The following PARVG variants were observed in gnomAD, a reference collection of about 807,000 sequenced individuals.
PARVG encodes the protein gamma-parvin.
Under a neutral mutation model 44.4 loss-of-function variants are expected in PARVG, and 36 were observed. That is an observed-to-expected ratio of 0.81 (90% CI 0.62 to 1.07). The LOEUF (loss-of-function observed/expected upper bound fraction) is 1.07. PARVG is among the 50% of genes least tolerant of loss of function. PARVG has a pLI of 0.00. For missense variants in PARVG, 407 were observed against 407.4 expected (o/e 1.00, Z 0.01); for synonymous variants, 170 against 174.1 (o/e 0.98, Z 0.19).
chr22:44,174,793 T>G (rs1168249164), intron 1 of PARVG, among the ~76,000 whole-genome samples: 1 of 152,068 alleles, frequency 6.6e-6, no homozygotes, highest in Non-Finnish European at 1.5e-5. Context: ...GCTCTTAGCC[T>G]GACCTGATTC....
At chr22:44,181,394 G>T in intron 1 of PARVG, 5 of 985,478 alleles carry the variant, frequency 5.1e-6, no homozygotes, top group Non-Finnish European at 6.0e-6. Context: ...GCGTGGTCCC[G>T]GGAGAGGAAG....
At position 44,198,731 on chromosome 22, in the gene PARVG, T is replaced by C; in HGVS notation, c.813+9T>C. 6.3e-7 allele frequency: 1 copy of C among 1,592,662 alleles called. No individual in the cohort carries two copies. Among genetic ancestry groups the C allele is most frequent in the South Asian group, 1.1e-5 (1 of 90,704 alleles). ...ACTCTCCTGCAGAAATGGTAAGTTT[T>C]CCAAGGATTTTTCTTTATGGTCTAC... On this transcript the variant is annotated intron_variant, in intron 12 of 13. Coordinates refer to ENST00000444313, the MANE Select transcript of PARVG (RefSeq NM_022141.7).
At chr22:44,188,544 C>T (rs775242060) in intron 5 of PARVG, 5 of 163,046 alleles carry the variant, frequency 3.1e-5, no homozygotes, top group Non-Finnish European at 6.8e-5. Context: ...TGGAGATGGG[C>T]TGCACAATCC....
chr22:44,197,968 T>G (rs1170636394), intron 11 of PARVG, among the ~76,000 whole-genome samples: 3 of 152,332 alleles, frequency 2.0e-5, no homozygotes, highest in Middle Eastern at 3.4e-3. Flanking sequence ...ATTTAGAGAC[T>G]GTTCAATAAA....
intron 9 of PARVG, 135 bp downstream of exon 9, chr22:44,193,958 C>A: frequency 8.6e-7 from 1 of 1,160,232 alleles, no homozygotes; most frequent in Non-Finnish European, 1.2e-6. Flanking sequence ...AAGCCTCATT[C>A]TTATTCATTT....
intron 1 of PARVG, among the ~76,000 whole-genome samples, chr22:44,173,880 G>C (rs974424354): frequency 1.3e-5 from 2 of 152,162 alleles, no homozygotes; most frequent in African/African-American, 4.8e-5. Context: ...GAATCACCGG[G>C]CCCCCCTGTG....
intron 12 of PARVG, 31 bp from the exon 13 acceptor site, chr22:44,205,726 G>T: frequency 6.2e-7 from 1 of 1,612,702 alleles, no homozygotes; most frequent in Non-Finnish European, 8.5e-7. Context: ...TGCTGCTTGT[G>T]CCCACATCTG....
At chr22:44,177,501 A>T (rs1313873238), upstream of PARVG, among the ~76,000 whole-genome samples, 1 of 152,178 alleles carries the variant, frequency 6.6e-6, no homozygotes. Flanking sequence ...AGCCTCCTGT[A>T]GTCTGGAGTG....
At chr22:44,198,858 C>T in intron 12 of PARVG, 136 bp downstream of exon 12, 1 of 651,060 alleles carries the variant, frequency 1.5e-6, no homozygotes, top group South Asian at 1.8e-5. Context: ...ATATGTCTGC[C>T]TATCCATCCA....
intron 6 of PARVG, 133 bp downstream of exon 6, chr22:44,189,387 G>T: frequency 7.2e-7 from 1 of 1,381,606 alleles, no homozygotes; most frequent in Non-Finnish European, 9.8e-7. Flanking sequence ...AGTCAGGAAG[G>T]AGGTAGAAGC....
intron 12 of PARVG, among the ~76,000 whole-genome samples, chr22:44,204,434 C>T (rs1356947960): frequency 6.6e-6 from 1 of 152,232 alleles, no homozygotes; most frequent in Non-Finnish European, 1.5e-5. Flanking sequence ...ACCTGAGGCC[C>T]AGCCAGGATG....
Position 44,206,427 on chromosome 22 carries a change from C to A in PARVG, c.*1C>A. The A allele has an allele frequency of 6.2e-7, 1 of 1,613,808 alleles. No individual in the cohort carries two copies. The highest frequency in any genetic ancestry group is 1.1e-5 in the South Asian group (1 of 91,076). On this transcript the variant is annotated 3_prime_UTR_variant, in exon 14 of 14. Coordinates refer to ENST00000444313, the MANE Select transcript of PARVG (RefSeq NM_022141.7). ...GACGCCCCATGGAGCCCCGAATTGACCCTCACTGCCTCCAAAGCCCAGAGC... is the reference window on the plus strand; with the variant it reads ...GACGCCCCATGGAGCCCCGAATTGAACCTCACTGCCTCCAAAGCCCAGAGC...
At chr22:44,179,529 G>A (rs1487821829), upstream of PARVG, among the ~76,000 whole-genome samples, 3 of 152,166 alleles carry the variant, frequency 2.0e-5, no homozygotes, top group Non-Finnish European at 2.9e-5. This position sits in a 1 kb window ranked among gnomAD's most constrained non-coding sequence, Gnocchi z 4.2. Context: ...CTCGTATTGC[G>A]TATGGAAGCC....
intron 3 of PARVG, chr22:44,183,633 G>C (rs750170162): frequency 1.3e-4 from 66 of 509,642 alleles, no homozygotes; most frequent in Non-Finnish European, 1.6e-4. Flanking sequence ...TGTGGATTAC[G>C]ATGGTGAATA....
chr22:44,194,891 A>C (rs868344873), intron 9 of PARVG, among the ~76,000 whole-genome samples: 1 of 152,090 alleles, frequency 6.6e-6, no homozygotes, highest in Non-Finnish European at 1.5e-5. Flanking sequence ...CCATTCATCT[A>C]TCCACCTACC....
intron 1 of PARVG, among the ~76,000 whole-genome samples, chr22:44,174,555 AAAC>A (rs1322544247): frequency 8.5e-6 from 1 of 118,316 alleles, no homozygotes; most frequent in Non-Finnish European, 1.8e-5. Flanking sequence ...AAAAACAAAC[AAAC>A]AAAAAAAAAA....
chr22:44,193,848 A>G (rs1265328844), intron 9 of PARVG, 25 bp downstream of exon 9: 1 of 1,613,808 alleles, frequency 6.2e-7, no homozygotes, highest in Non-Finnish European at 8.5e-7. Context: ...CATTTTTGGA[A>G]ATCTGTTCCT....
At chr22:44,186,373 T>G in intron 4 of PARVG, 1 of 354,062 alleles carries the variant, frequency 2.8e-6, no homozygotes, top group Non-Finnish European at 5.7e-6. Context: ...CTATGGCCAC[T>G]GGACCAGCTC....
At chr22:44,192,579 T>C (rs3747214) in intron 8 of PARVG, among the ~76,000 whole-genome samples, 46,856 of 151,222 alleles carry the variant, frequency 0.31, 8,216 homozygotes, top group Non-Finnish European at 0.42. Flanking sequence ...TCCTGCTCCC[T>C]GCCCACTGGG....
Sources: allele counts gnomAD v4.1 joint callset (sites outside exome capture counted in the v4.1 genomes callset), GRCh38; gene constraint gnomAD v4.1.1; non-coding constraint Gnocchi (gnomAD v3.1); transcripts MANE v1.5; gene names NCBI Gene and HGNC (gene_info 2026-07-23, HGNC 2026-07-21).